The following ZC3H12C variants were observed in gnomAD, a reference collection of about 807,000 sequenced individuals.
The protein encoded by ZC3H12C is probable ribonuclease ZC3H12C.
A neutral mutation model predicts 76.3 loss-of-function variants in ZC3H12C; 20 were observed. The ratio of observed to expected loss-of-function variants is 0.26; its 90% CI spans 0.18 to 0.38. ZC3H12C has a LOEUF of 0.38. ZC3H12C is among the 10% of genes least tolerant of loss of function. The pLI, the probability that ZC3H12C is intolerant of heterozygous loss-of-function variation, is 1.00. For synonymous variants in ZC3H12C, 352 were observed against 399.6 expected (o/e 0.88, Z 1.42); for missense variants, 874 against 1,086.5 (o/e 0.80, Z 2.75).
At position 110,164,344 on chromosome 11, in the gene ZC3H12C, A is replaced by G. The variant is rs767673614; in HGVS notation, c.1259A>G (p.Lys420Arg). The G allele has an allele frequency of 8.7e-6, 14 of 1,604,060 alleles. No individual in the cohort carries two copies. The highest frequency in any genetic ancestry group is 2.7e-5 in the African/African-American group (2 of 74,722). ...EHKKQPCPYG[K>R]KCTYGHKCKY... ...TAATTAATTTTACTCTTCTTAGGAAAGAAGTGTACCTATGGACACAAGTGC... is the reference window on the plus strand; with the variant it reads ...TAATTAATTTTACTCTTCTTAGGAAGGAAGTGTACCTATGGACACAAGTGC... The change falls in exon 6 of 6, where the codon AAG becomes AGG. Residue 420 changes from lysine (K) to arginine (R), a missense_variant. Coordinates refer to ENST00000278590, the MANE Select transcript of ZC3H12C (RefSeq NM_033390.2). This position sits in a 1 kb window ranked among gnomAD's most constrained non-coding sequence, Gnocchi z 5.7.
chr11:110,106,050 C>T (rs1247162951), intron 1 of ZC3H12C, among the ~76,000 whole-genome samples: 1 of 73,786 alleles, frequency 1.4e-5, no homozygotes, highest in South Asian at 3.4e-4. Context: ...GGGCGGATCA[C>T]GAGGTCAGGA....
intron 1 of ZC3H12C, among the ~76,000 whole-genome samples, chr11:110,119,849 G>A (rs796703928): frequency 7.9e-5 from 12 of 152,152 alleles, no homozygotes; most frequent in African/African-American, 2.4e-4. Context: ...TCACAAGTGC[G>A]GAACCTTGTG....
Position 110,144,326 on chromosome 11 carries a change from C to A in ZC3H12C, c.773+6912C>A, listed in dbSNP as rs376647989. Among the ~76,000 whole-genome samples, 4 of 152,298 alleles carry A rather than the reference C, an allele frequency of 2.6e-5. No individual in the cohort carries two copies. The East Asian group carries it at 5.8e-4, about 22-fold the overall frequency. On this transcript the variant is annotated intron_variant, in intron 2 of 5. Transcript: ENST00000278590. ...ATGTGTCGAAGACTTCGATATGCCACGCACTTGGCTAGGTTTATTACCTTA... is the reference window on the plus strand; with the variant it reads ...ATGTGTCGAAGACTTCGATATGCCAAGCACTTGGCTAGGTTTATTACCTTA...
intron 1 of ZC3H12C, among the ~76,000 whole-genome samples, chr11:110,125,902 C>CAG (rs34367731): frequency 0.71 from 107,440 of 151,744 alleles, 38,351 homozygotes; most frequent in East Asian, 0.89. Context: ...GCTGAATCAT[C>CAG]AGAGAGATAG....
intron 1 of ZC3H12C, among the ~76,000 whole-genome samples, chr11:110,096,168 G>C (rs1447720185): frequency 6.6e-6 from 1 of 152,132 alleles, no homozygotes; most frequent in Non-Finnish European, 1.5e-5. Context: ...GAGAAAGGAT[G>C]ATCAATCAAG....
At chr11:110,099,134 A>G (rs1293189400) in intron 1 of ZC3H12C, among the ~76,000 whole-genome samples, 1 of 152,138 alleles carries the variant, frequency 6.6e-6, no homozygotes, top group African/African-American at 2.4e-5. Context: ...TCATTCTACT[A>G]TTTCAGTTAG....
In ZC3H12C at chr11:110,163,330, G is replaced by A. The variant is rs766311382; in HGVS notation, c.1206G>A (p.Leu402=). ...GRHGPSLDNF[L]RKKPIVPEHK... Reference sequence around the variant, plus strand: ...ATGGCCCCAGTCTGGATAATTTTCTGAGGAAGAAACCTATTGTTCCTGAAC... The same window carrying A: ...ATGGCCCCAGTCTGGATAATTTTCTAAGGAAGAAACCTATTGTTCCTGAAC... Residue 402 remains leucine, a synonymous_variant, in exon 5 of 6, where the codon CTG becomes CTA. Transcript: ENST00000278590. The A allele has an allele frequency of 6.2e-7, 1 of 1,613,136 alleles. No individual in the cohort carries two copies. The highest frequency in any genetic ancestry group is 2.2e-5 in the East Asian group (1 of 44,868).
chr11:110,165,785 A>T lies in ZC3H12C; in HGVS notation c.*48A>T. ...TTTAGTAGTTTTTTGTTCAGCTCAA[A>T]TGCTGAGGGAGGTTTGCTACAATAG... On this transcript the variant is annotated 3_prime_UTR_variant, in exon 6 of 6. Coordinates refer to ENST00000278590, the MANE Select transcript of ZC3H12C (RefSeq NM_033390.2). 6.7e-7 allele frequency: 1 copy of T among 1,497,094 alleles called. No individual in the cohort carries two copies. Among genetic ancestry groups the T allele is most frequent in the Non-Finnish European group, 9.0e-7 (1 of 1,116,978 alleles). The allele number at this position is 1,497,094 out of a possible 1,614,324, so 92.7% of individuals were successfully genotyped here.
intron 4 of ZC3H12C, among the ~76,000 whole-genome samples, chr11:110,160,727 A>G (rs1488820537): frequency 6.6e-6 from 1 of 152,240 alleles, no homozygotes; most frequent in Non-Finnish European, 1.5e-5. Flanking sequence ...AAGCTGTTTT[A>G]CAGTTAACAT....
chr11:110,159,390 A>G lies in ZC3H12C; in HGVS notation c.1048A>G (p.Ile350Val). The G allele has an allele frequency of 1.2e-6, 2 of 1,614,062 alleles. No homozygotes were observed. The highest frequency in any genetic ancestry group is 8.5e-7 in the Non-Finnish European group (1 of 1,179,972). The change falls in exon 4 of 6, where the codon ATT (isoleucine) becomes GTT (valine). Residue 350 changes from isoleucine (I) to valine (V), a missense_variant. By Grantham distance (29) the Ile-to-Val change is conservative. Coordinates refer to ENST00000278590, the MANE Select transcript of ZC3H12C (RefSeq NM_033390.2). ...GCTGGCTTTTGAGTCGGACGGTATC[A>G]TTGTGTCCAATGATAACTACAGGGA... ...VKLAFESDGI[I>V]VSNDNYRDLA...
intron 4 of ZC3H12C, among the ~76,000 whole-genome samples, chr11:110,162,869 G>A (rs563398906): frequency 7.9e-5 from 12 of 152,110 alleles, no homozygotes; most frequent in Non-Finnish European, 7.4e-5. Context: ...TTGTGTTCCA[G>A]CCCCCTCCCT....
chr11:110,165,196 C>T lies in ZC3H12C; in HGVS notation c.2111C>T (p.Pro704Leu), dbSNP rs778003491. 6 of 1,613,920 alleles carry T rather than the reference C, an allele frequency of 3.7e-6. No homozygotes were observed. The highest frequency in any genetic ancestry group is 3.3e-5 in the South Asian group (3 of 91,070). Reference sequence around the variant, plus strand: ...AAGTTCCATCACAAGCCTCCTCTTCCGCACCTGGCTCTGCACCTGCCGCAC... The same window carrying T: ...AAGTTCCATCACAAGCCTCCTCTTCTGCACCTGGCTCTGCACCTGCCGCAC... ...EPKFHHKPPL[P>L]HLALHLPHSA... is the part of the protein sequence containing the mutation. Residue 704 changes from proline (P) to leucine (L), a missense_variant, in exon 6 of 6, where the codon CCG (proline) becomes CTG (leucine). Around this residue, in one of 3 missense-constraint regions of ZC3H12C, gnomAD observed 395 missense variants for 434.4 expected, o/e 0.91. Coordinates refer to ENST00000278590, the MANE Select transcript of ZC3H12C (RefSeq NM_033390.2).
At chr11:110,108,210 C>T (rs974415818) in intron 1 of ZC3H12C, among the ~76,000 whole-genome samples, 1 of 152,176 alleles carries the variant, frequency 6.6e-6, no homozygotes, top group African/African-American at 2.4e-5. Flanking sequence ...CCTGCCTCGG[C>T]CTCCTAAAGT....
At position 110,159,126 on chromosome 11, in the gene ZC3H12C, A is replaced by G. The variant is rs570470798; in HGVS notation, c.914-130A>G. 6.0e-5 allele frequency: 41 copies of G among 680,984 alleles called. No homozygotes were observed. The African/African-American group carries it at 6.3e-4, about 10-fold the overall frequency. 42.2% of individuals were successfully genotyped at this position (680,984 alleles called of 1,614,324 possible). A position where few individuals can be genotyped will look rare whatever the true frequency, so the allele number is the denominator to read the frequency against. On this transcript the variant is annotated intron_variant, in intron 3 of 5. Transcript: ENST00000278590. Reference sequence around the variant, plus strand: ...GGAAATGATGCTGTATCTACAAATTAAATCATAATCCCTAATTAAAGGATT... The same window carrying G: ...GGAAATGATGCTGTATCTACAAATTGAATCATAATCCCTAATTAAAGGATT...
At chr11:110,130,785 G>T (rs1861847380) in intron 1 of ZC3H12C, among the ~76,000 whole-genome samples, 1 of 152,170 alleles carries the variant, frequency 6.6e-6, no homozygotes, top group African/African-American at 2.4e-5. Flanking sequence ...GCCTATTGTT[G>T]CTGCACACCC....
intron 1 of ZC3H12C, among the ~76,000 whole-genome samples, chr11:110,112,224 G>A (rs1861445125): frequency 1.3e-5 from 2 of 151,948 alleles, no homozygotes; most frequent in South Asian, 2.1e-4. Context: ...TTTGAGACAG[G>A]GTCTGGCTTT....
chr11:110,143,861 T>C (rs576473337), intron 2 of ZC3H12C, among the ~76,000 whole-genome samples: 1 of 152,306 alleles, frequency 6.6e-6, no homozygotes, highest in South Asian at 2.1e-4. Flanking sequence ...AGCCACTTCA[T>C]TGACAAACCC....
chr11:110,160,302 G>C (rs1174053483), intron 4 of ZC3H12C, among the ~76,000 whole-genome samples: 1 of 151,950 alleles, frequency 6.6e-6, no homozygotes, highest in East Asian at 1.9e-4. Flanking sequence ...TGTATACTTA[G>C]GCTATGCCAA....
chr11:110,144,897 A>G (rs1321161888), intron 2 of ZC3H12C, among the ~76,000 whole-genome samples: 2 of 152,182 alleles, frequency 1.3e-5, no homozygotes, highest in African/African-American at 4.8e-5. Context: ...GGTAACAGTT[A>G]TAATTCTAAA....
Sources: gnomAD v4.1 joint callset for allele counts (sites outside exome capture counted in the v4.1 genomes callset) on GRCh38, gnomAD v4.1.1 for gene constraint, gnomAD v4.1.1 regional missense constraint, Gnocchi (gnomAD v3.1) non-coding constraint, MANE v1.5 for transcripts, NCBI Gene and HGNC (gene_info 2026-07-23, HGNC 2026-07-21) for gene names.